The following ULK4 variants were observed in gnomAD, a reference collection of about 807,000 sequenced individuals.
ULK4 encodes the protein inactive serine/threonine-protein kinase ULK4.
A neutral mutation model predicts 160.6 loss-of-function variants in ULK4; 133 were observed. The ratio of observed to expected loss-of-function variants is 0.83; its 90% confidence interval spans 0.72 to 0.96. ULK4 has a LOEUF of 0.96. Among genes scored for constraint, ULK4 ranks in the 40% least tolerant of loss-of-function variants. The probability of loss-of-function intolerance (pLI) is 0.00; values close to 1 mark genes in which losing one functional copy is unlikely to be tolerated. For missense variants in ULK4, 1,580 were observed against 1,499.5 expected (o/e 1.05, Z -0.89); for synonymous variants, 534 against 539.8 (o/e 0.99, Z 0.15).
chr3:41,277,593 T>C (rs1046621891), intron 35 of ULK4, among the ~76,000 whole-genome samples: 2 of 152,118 alleles, frequency 1.3e-5, no homozygotes, highest in African/African-American at 4.8e-5. Flanking sequence ...AAAAGGGACA[T>C]ACCTCAATGT....
chr3:41,657,835 A>AAAAAAAAAAAAAAAAC (rs2035000764), intron 30 of ULK4, among the ~76,000 whole-genome samples: 1 of 142,514 alleles, frequency 7.0e-6, no homozygotes, highest in Non-Finnish European at 1.6e-5. Context: ...AAAAAAAAAA[A>AAAAAAAAAAAAAAAAC]CACACACCAC....
intron 29 of ULK4, among the ~76,000 whole-genome samples, chr3:41,680,318 T>C (rs2035881510): frequency 6.6e-6 from 1 of 152,170 alleles, no homozygotes; most frequent in South Asian, 2.1e-4. Flanking sequence ...ATTCTTACAG[T>C]ACATATTAAT....
In ULK4 at chr3:41,758,746, G is replaced by A. The variant is rs2038887274; in HGVS notation, c.2194-4258C>T. On this transcript the variant is annotated intron_variant, in intron 21 of 36. Coordinates refer to ENST00000301831, the MANE Select transcript of ULK4 (RefSeq NM_017886.4). ...AAATTAACAGGGCGCAGTGGCGGGT[G>A]CCTGTAGTCCCAGCTACTCGGGAGG... Among the ~76,000 whole-genome samples the A allele has an allele frequency of 2.6e-5, 4 of 151,990 alleles. No individual in the cohort carries two copies. In the South Asian group the frequency reaches 6.2e-4, roughly 24 times the overall value.
chr3:41,462,336 TC>T (rs1011001764), intron 33 of ULK4, among the ~76,000 whole-genome samples: 3 of 152,306 alleles, frequency 2.0e-5, no homozygotes, highest in Non-Finnish European at 4.4e-5. Flanking sequence ...TTGATATACA[TC>T]TCTTGCAATT....
intron 31 of ULK4, among the ~76,000 whole-genome samples, chr3:41,596,196 C>T (rs2031680083): frequency 3.3e-5 from 5 of 152,172 alleles, no homozygotes; most frequent in Admixed American, 3.3e-4. Context: ...CTCAATAAAG[C>T]TTAAGGCAGC....
chr3:41,594,789 G>A (rs1159974393), intron 31 of ULK4, among the ~76,000 whole-genome samples: 1 of 151,820 alleles, frequency 6.6e-6, no homozygotes, highest in Non-Finnish European at 1.5e-5. Context: ...GCAAACAGCA[G>A]GGGAGATGAA....
intron 2 of ULK4, among the ~76,000 whole-genome samples, chr3:41,938,812 A>G (rs1379664752): frequency 6.6e-6 from 1 of 152,232 alleles, no homozygotes; most frequent in East Asian, 1.9e-4. Context: ...AGCTACCGTT[A>G]TTGGTGAAAC....
At chr3:41,596,471 G>A (rs1261389552) in intron 31 of ULK4, among the ~76,000 whole-genome samples, 1 of 152,054 alleles carries the variant, frequency 6.6e-6, no homozygotes, top group African/African-American at 2.4e-5. Context: ...GCTTGAGATG[G>A]GCAAAATCAT....
intron 34 of ULK4, among the ~76,000 whole-genome samples, chr3:41,451,065 T>C (rs891459371): frequency 2.6e-5 from 4 of 152,134 alleles, no homozygotes; most frequent in Non-Finnish European, 4.4e-5. Flanking sequence ...GGCATCACCA[T>C]TGGGCTGCAG....
intron 32 of ULK4, among the ~76,000 whole-genome samples, chr3:41,536,562 G>T (rs981300611): frequency 6.6e-6 from 1 of 152,042 alleles, no homozygotes; most frequent in Non-Finnish European, 1.5e-5. Context: ...ACACATTGTG[G>T]GTTGATTTTG....
chr3:41,440,555 A>G (rs1284563315), intron 34 of ULK4, among the ~76,000 whole-genome samples: 1 of 152,098 alleles, frequency 6.6e-6, no homozygotes, highest in Non-Finnish European at 1.5e-5. Context: ...GTTAGATTCA[A>G]TTTGCTAAAA....
chr3:41,351,466 T>C (rs896050117), intron 35 of ULK4, among the ~76,000 whole-genome samples: 13 of 152,348 alleles, frequency 8.5e-5, no homozygotes, highest in African/African-American at 3.1e-4. Context: ...AGTGGCATAA[T>C]TGCCAATCTC....
chr3:41,404,495 G>C (rs1486571477), intron 34 of ULK4, among the ~76,000 whole-genome samples: 2 of 152,014 alleles, frequency 1.3e-5, no homozygotes, highest in Non-Finnish European at 2.9e-5. Flanking sequence ...CTTGTAGATA[G>C]CATGCTGTTG....
At chr3:41,392,800 G>T (rs529053119) in intron 35 of ULK4, among the ~76,000 whole-genome samples, 2 of 152,116 alleles carry the variant, frequency 1.3e-5, no homozygotes, top group Non-Finnish European at 2.9e-5. Flanking sequence ...AAATGCATTT[G>T]TCAGGCCTCC....
intron 30 of ULK4, among the ~76,000 whole-genome samples, chr3:41,661,217 T>C (rs1418788048): frequency 6.6e-6 from 1 of 152,150 alleles, no homozygotes; most frequent in Non-Finnish European, 1.5e-5. Flanking sequence ...TGAGATCCCA[T>C]TTTCATTCAT....
Position 41,915,976 on chromosome 3 carries a change from C to A in ULK4, c.803+1G>T. The A allele has an allele frequency of 6.3e-7, 1 of 1,586,412 alleles. No homozygotes were observed. The highest frequency in any genetic ancestry group is 8.5e-7 in the Non-Finnish European group (1 of 1,171,060). ...AAAAAAGATCGAACTACTGTCCCTA[C>A]CTTTTCTGAGGATCTCTTTGAAGTA... On this transcript the variant is annotated splice_donor_variant, in intron 8 of 36. Transcript: ENST00000301831. LOFTEE classifies it high-confidence loss of function.
chr3:41,573,952 T>C (rs141442910), intron 31 of ULK4, among the ~76,000 whole-genome samples: 19 of 152,272 alleles, frequency 1.2e-4, no homozygotes, highest in African/African-American at 4.3e-4. Context: ...TTACTGATGA[T>C]TTTTCACAAG....
intron 21 of ULK4, among the ~76,000 whole-genome samples, chr3:41,771,589 G>C (rs562053031): frequency 2.0e-5 from 3 of 151,816 alleles, no homozygotes; most frequent in Non-Finnish European, 4.4e-5. Flanking sequence ...ATGTTACAAT[G>C]CTTTTCCTTT....
chr3:41,911,643 A>G lies in ULK4; in HGVS notation c.913T>C (p.Cys305Arg), dbSNP rs1360656361. 6.2e-7 allele frequency: 1 copy of G among 1,613,348 alleles called. No homozygotes were observed. Among genetic ancestry groups the G allele is most frequent in the East Asian group, 2.2e-5 (1 of 44,866 alleles). The change falls in exon 10 of 37, where the codon TGT (cysteine) becomes CGT (arginine). Residue 305 changes from cysteine (C) to arginine (R), a missense_variant. By Grantham distance (180) the Cys-to-Arg change is radical. Coordinates refer to ENST00000301831, the MANE Select transcript of ULK4 (RefSeq NM_017886.4). ...TCCTTGGAATCTTGTGGCCCAGAAC[A>G]CTCCATAGTGTTTCTGCTATTATTG... ...DLSLSRNTME[C>R]SGPQDSKELL...
Sources: allele counts gnomAD v4.1 joint callset (sites outside exome capture counted in the v4.1 genomes callset), GRCh38; gene constraint gnomAD v4.1.1; transcripts MANE v1.5; gene names NCBI Gene and HGNC (gene_info 2026-07-23, HGNC 2026-07-21).